TENM3: variants seen among roughly 807,000 people sequenced by gnomAD.
TENM3 encodes the protein teneurin transmembrane protein 3, also known as teneurin-3.
TENM3 carries 63 observed loss-of-function variants against 255.1 expected under a neutral mutation model. The observed-to-expected ratio is 0.25, with a 90% CI of 0.20 to 0.30. TENM3 has a LOEUF of 0.30. Among genes scored for constraint, TENM3 ranks in the 10% least tolerant of loss-of-function variants. The pLI is 1.00. For synonymous variants in TENM3, 1,306 were observed against 1,322.3 expected (o/e 0.99, Z 0.27); for missense variants, 2,929 against 3,461.1 (o/e 0.85, Z 3.86).
At chr4:181,450,715 C>A in the TENM3 span, among the ~76,000 whole-genome samples, 1 of 152,202 alleles carries the variant, frequency 6.6e-6, no homozygotes, top group Non-Finnish European at 1.5e-5. Flanking sequence ...ACACATCAGA[C>A]TGCACCTCTT....
chr4:182,624,170 C>G (rs1015716237), intron 4 of TENM3, among the ~76,000 whole-genome samples: 1 of 152,206 alleles, frequency 6.6e-6, no homozygotes, highest in Non-Finnish European at 1.5e-5. Context: ...TTCTCTTTCT[C>G]TCTTCCTAGC....
chr4:181,468,132 C>CAAAAAAAA, the TENM3 span, among the ~76,000 whole-genome samples: 38 of 130,614 alleles, frequency 2.9e-4, no homozygotes, highest in South Asian at 7.4e-4. Flanking sequence ...CCCATCTGTA[C>CAAAAAAAA]AAAAAAAAAA....
At chr4:182,365,392 A>T (rs1338669516) in intron 3 of TENM3, among the ~76,000 whole-genome samples, 1 of 152,154 alleles carries the variant, frequency 6.6e-6, no homozygotes, top group South Asian at 2.1e-4. Context: ...TTTGTATATA[A>T]ACATCTCCTT....
the TENM3 span, among the ~76,000 whole-genome samples, chr4:181,830,381 G>T: frequency 1.3e-5 from 2 of 152,204 alleles, no homozygotes; most frequent in African/African-American, 4.8e-5. Flanking sequence ...TGATTCTCCT[G>T]CCTCAGCCTC....
chr4:182,386,765 G>C (rs989117909), intron 3 of TENM3, among the ~76,000 whole-genome samples: 1 of 152,200 alleles, frequency 6.6e-6, no homozygotes, highest in Non-Finnish European at 1.5e-5. Flanking sequence ...TCGATTTCTC[G>C]CCGGGCCTTA....
chr4:182,431,165 T>C (rs1160516764), intron 3 of TENM3, among the ~76,000 whole-genome samples: 3 of 151,868 alleles, frequency 2.0e-5, no homozygotes, highest in Non-Finnish European at 4.4e-5. Context: ...TATAAGGTGA[T>C]AAGGGTCTAG....
At chr4:182,023,714 G>T in the TENM3 span, among the ~76,000 whole-genome samples, 1 of 152,168 alleles carries the variant, frequency 6.6e-6, no homozygotes, top group Non-Finnish European at 1.5e-5. Context: ...CCTGCCAGGG[G>T]AGTATTTTGT....
intron 3 of TENM3, among the ~76,000 whole-genome samples, chr4:182,414,918 C>G (rs73869978): frequency 0.014 from 2,104 of 152,272 alleles, 40 homozygotes; most frequent in African/African-American, 0.047. Flanking sequence ...TTTGAATCTT[C>G]TATGACTGTG....
the TENM3 span, among the ~76,000 whole-genome samples, chr4:181,457,162 C>T: frequency 1.3e-5 from 2 of 151,604 alleles, no homozygotes; most frequent in African/African-American, 4.8e-5. Flanking sequence ...ATTAGAAAAA[C>T]CTGATTTTAA....
the TENM3 span, among the ~76,000 whole-genome samples, chr4:182,030,285 C>T: frequency 6.6e-6 from 1 of 151,776 alleles, no homozygotes; most frequent in Non-Finnish European, 1.5e-5. Flanking sequence ...TCCCTGTGTT[C>T]ATGTGTTCTC....
At chr4:181,617,633 T>A in the TENM3 span, among the ~76,000 whole-genome samples, 2 of 152,180 alleles carry the variant, frequency 1.3e-5, no homozygotes, top group Non-Finnish European at 2.9e-5. Flanking sequence ...CTATTTACAA[T>A]GGGAGGCCCT....
At chr4:181,916,811 A>T in the TENM3 span, among the ~76,000 whole-genome samples, 22 of 152,256 alleles carry the variant, frequency 1.4e-4, no homozygotes, top group African/African-American at 5.3e-4. Flanking sequence ...TGGGAGGCAG[A>T]GGTTGCAGTG....
the TENM3 span, among the ~76,000 whole-genome samples, chr4:182,045,074 T>C: frequency 0.025 from 3,806 of 152,314 alleles, 166 homozygotes; most frequent in African/African-American, 0.085. Flanking sequence ...TGTTTCGGTG[T>C]TTTGCAAACA....
At chr4:182,428,224 A>G (rs1479722655) in intron 3 of TENM3, among the ~76,000 whole-genome samples, 2 of 152,132 alleles carry the variant, frequency 1.3e-5, no homozygotes, top group East Asian at 3.9e-4. Context: ...CTTAAGTGAT[A>G]AGGAATTATT....
intron 3 of TENM3, among the ~76,000 whole-genome samples, chr4:182,524,652 C>A (rs1738957390): frequency 6.6e-6 from 1 of 151,728 alleles, no homozygotes. Flanking sequence ...TGAACCGTCA[C>A]ACCCGACCTG....
the TENM3 span, among the ~76,000 whole-genome samples, chr4:181,968,992 C>CTCTCTCTATA: frequency 8.6e-6 from 1 of 116,024 alleles, no homozygotes; most frequent in African/African-American, 2.9e-5. Context: ...CTCTCTCTCT[C>CTCTCTCTATA]TATATACATA....
At chr4:181,878,325 G>A in the TENM3 span, among the ~76,000 whole-genome samples, 16 of 151,348 alleles carry the variant, frequency 1.1e-4, no homozygotes, top group African/African-American at 3.9e-4. Flanking sequence ...AGAAAATGAG[G>A]GGGCAGGAAA....
chr4:182,176,311 C>T (rs1752486124), intron 1 of TENM3, among the ~76,000 whole-genome samples: 1 of 145,866 alleles, frequency 6.9e-6, no homozygotes, highest in South Asian at 2.1e-4. Flanking sequence ...GCTTCACCAC[C>T]GTGTGTCTTT....
chr4:182,677,302 T>C (rs1031669687), intron 7 of TENM3, among the ~76,000 whole-genome samples: 1 of 152,164 alleles, frequency 6.6e-6, no homozygotes, highest in African/African-American at 2.4e-5. Context: ...CCTTATTTTA[T>C]TGTTCACAGT....
Sources: gnomAD v4.1 joint callset for allele counts (sites outside exome capture counted in the v4.1 genomes callset) on GRCh38, gnomAD v4.1.1 for gene constraint, MANE v1.5 for transcripts, NCBI Gene and HGNC (gene_info 2026-07-23, HGNC 2026-07-21) for gene names.